Variants in FHAD1 observed in about 807,000 individuals in gnomAD.
The protein encoded by FHAD1 is forkhead-associated domain-containing protein 1.
In FHAD1, 146 loss-of-function variants were observed where a neutral mutation model predicts 191.3. The observed-to-expected ratio is 0.76, with a 90% CI of 0.67 to 0.88. The LOEUF (loss-of-function observed/expected upper bound fraction) is 0.88. Ranked by LOEUF, FHAD1 falls within the 40% of genes least tolerant of loss-of-function variation. The pLI, the probability that FHAD1 is intolerant of heterozygous loss-of-function variation, is 0.00. For synonymous variants in FHAD1, 616 were observed against 672.3 expected, an observed-to-expected ratio of 0.92 and a Z score of 1.29; for missense variants, 1,635 against 1,785.8, an observed-to-expected ratio of 0.92 and a Z score of 1.52.
chr1:15,246,476 T>TCAA (rs372941396), upstream of FHAD1, among the ~76,000 whole-genome samples: 3 of 151,950 alleles, frequency 2.0e-5, no homozygotes, highest in Non-Finnish European at 2.9e-5. Context: ...GATTTCCTGC[T>TCAA]GGAGATAGTG....
intron 3 of FHAD1, among the ~76,000 whole-genome samples, chr1:15,284,943 AG>A (rs1313469581): frequency 6.6e-6 from 1 of 152,074 alleles, no homozygotes; most frequent in East Asian, 1.9e-4. Context: ...AAAGAAAGAG[AG>A]TGAAAGAAAG....
intron 12 of FHAD1, 50 bp from the exon 13 acceptor site, chr1:15,328,227 C>T: frequency 7.0e-7 from 1 of 1,430,818 alleles, no homozygotes; most frequent in Non-Finnish European, 9.2e-7. Flanking sequence ...GCCCCCCACC[C>T]CTGTATGTTA....
In FHAD1 at chr1:15,358,249, CATT is replaced by C. The variant is rs1229359445; in HGVS notation, c.2704_2706del (p.Leu902del). 1.3e-6 allele frequency: 2 copies of C among 1,531,212 alleles called. No individual in the cohort carries two copies. Among genetic ancestry groups the C allele is most frequent in the East Asian group, 2.5e-5 (1 of 40,668 alleles). 94.9% of individuals were successfully genotyped at this position (1,531,212 alleles called of 1,614,324 possible). ...AGCCTCGCCTTGAAATTAAATGAAACATTAGCCGAACTGGAAACTACCAAGACA... is the reference window on the plus strand; with the variant it reads ...AGCCTCGCCTTGAAATTAAATGAAACAGCCGAACTGGAAACTACCAAGACA... On this transcript the variant is annotated inframe_deletion, in exon 21 of 34. Transcript: ENST00000688493.
At chr1:15,352,841 G>GAAAT in intron 19 of FHAD1, 36 bp from the exon 20 acceptor site, 2 of 1,468,308 alleles carry the variant, frequency 1.4e-6, no homozygotes, top group Non-Finnish European at 9.3e-7. Flanking sequence ...TCCCTTTGAG[G>GAAAT]GCACAGGCCC....
At chr1:15,306,564 A>T (rs1670557932) in intron 6 of FHAD1, among the ~76,000 whole-genome samples, 1 of 152,234 alleles carries the variant, frequency 6.6e-6, no homozygotes, top group Non-Finnish European at 1.5e-5. Context: ...TTTGTGGGCC[A>T]GGCCCGGGGT....
intron 20 of FHAD1, among the ~76,000 whole-genome samples, chr1:15,355,856 C>T (rs1175824789): frequency 4.1e-5 from 6 of 147,596 alleles, no homozygotes; most frequent in African/African-American, 7.5e-5. Flanking sequence ...ACAATGAAAA[C>T]GGTATAGGGA....
chr1:15,374,642 T>A lies in FHAD1; in HGVS notation c.3577+11T>A, dbSNP rs1218883518. The A allele has an allele frequency of 6.4e-7, 1 of 1,550,810 alleles. No homozygotes were observed. Among genetic ancestry groups the A allele is most frequent in the Non-Finnish European group, 8.7e-7 (1 of 1,146,904 alleles). On this transcript the variant is annotated intron_variant, in intron 27 of 33. Transcript: ENST00000688493. ...AGGCGCGCTCACCAGGTAAGTCTCCTCCTTCCTAGTCAGAGCAGTGGACCC... is the reference window on the plus strand; with the variant it reads ...AGGCGCGCTCACCAGGTAAGTCTCCACCTTCCTAGTCAGAGCAGTGGACCC...
chr1:15,284,785 G>A (rs1054753451), intron 3 of FHAD1, among the ~76,000 whole-genome samples: 1 of 152,164 alleles, frequency 6.6e-6, no homozygotes, highest in Admixed American at 6.5e-5. Context: ...ATTCAGCCGT[G>A]GGTGTGGTCC....
At chr1:15,382,295 CAG>C (rs1701103241) in intron 31 of FHAD1, 102 bp downstream of exon 31, 1 of 1,213,302 alleles carries the variant, frequency 8.2e-7, no homozygotes, top group African/African-American at 1.5e-5. Context: ...GCACAGAACA[CAG>C]GGATGGATGC....
At chr1:15,309,204 A>G (rs1671475756) in intron 7 of FHAD1, among the ~76,000 whole-genome samples, 1 of 152,224 alleles carries the variant, frequency 6.6e-6, no homozygotes, top group African/African-American at 2.4e-5. Flanking sequence ...AGGTAGCTGG[A>G]TACTCAAGAA....
chr1:15,281,975 G>A (rs562035372), intron 3 of FHAD1, among the ~76,000 whole-genome samples: 2 of 152,176 alleles, frequency 1.3e-5, no homozygotes, highest in African/African-American at 4.8e-5. Flanking sequence ...TCCACCTGAT[G>A]TTATTTATTT....
At chr1:15,342,566 G>T (rs778216908) in intron 16 of FHAD1, among the ~76,000 whole-genome samples, 1 of 152,160 alleles carries the variant, frequency 6.6e-6, no homozygotes, top group African/African-American at 2.4e-5. Flanking sequence ...TGCAGATCTT[G>T]GTCTCCACCC....
At chr1:15,386,849 C>CTTTTTTTTTTTTTTTTTTT (rs59453670) in intron 31 of FHAD1, among the ~76,000 whole-genome samples, 19 of 144,226 alleles carry the variant, frequency 1.3e-4, no homozygotes, top group African/African-American at 5.0e-4. Context: ...TCCTTTCTTT[C>CTTTTTTTTTTTTTTTTTTT]TTTTTTTTTT....
chr1:15,347,552 C>T (rs550866058), intron 18 of FHAD1, among the ~76,000 whole-genome samples: 10 of 152,316 alleles, frequency 6.6e-5, no homozygotes, highest in African/African-American at 1.4e-4. Flanking sequence ...CGGGTTCAAA[C>T]GATTCTCATG....
intron 2 of FHAD1, among the ~76,000 whole-genome samples, chr1:15,263,187 T>C (rs934216135): frequency 2.0e-5 from 3 of 152,232 alleles, no homozygotes; most frequent in Non-Finnish European, 4.4e-5. Flanking sequence ...GGGTTCTTTA[T>C]ATATCATGGA....
chr1:15,300,363 T>C (rs1047911809), intron 5 of FHAD1, among the ~76,000 whole-genome samples: 1 of 152,188 alleles, frequency 6.6e-6, no homozygotes, highest in Non-Finnish European at 1.5e-5. Context: ...TTATTTTTCA[T>C]GACTCAGTTA....
At chr1:15,278,378 C>T (rs58390403) in intron 3 of FHAD1, among the ~76,000 whole-genome samples, 5,198 of 152,166 alleles carry the variant, frequency 0.034, 305 homozygotes, top group African/African-American at 0.12. Flanking sequence ...AATGAATGCC[C>T]CCACTATCTG....
intron 19 of FHAD1, 29 bp downstream of exon 19, chr1:15,349,178 T>C (rs545119824): frequency 6.8e-7 from 1 of 1,476,472 alleles, no homozygotes; most frequent in African/African-American, 1.4e-5. Flanking sequence ...AAGAATCCTC[T>C]GGAAGGAACT....
At chr1:15,257,692 C>G (rs778033098) in intron 2 of FHAD1, among the ~76,000 whole-genome samples, 1 of 152,218 alleles carries the variant, frequency 6.6e-6, no homozygotes, top group Non-Finnish European at 1.5e-5. Context: ...ACTTTCCCTT[C>G]AGCACGTGGA....
Sources: gnomAD v4.1 joint callset for allele counts (sites outside exome capture counted in the v4.1 genomes callset) on GRCh38, gnomAD v4.1.1 for gene constraint, MANE v1.5 for transcripts, NCBI Gene and HGNC (gene_info 2026-07-23, HGNC 2026-07-21) for gene names.